Variants in AADAT observed in about 807,000 individuals in gnomAD.
AADAT encodes the protein aminoadipate aminotransferase, also known as kynurenine/alpha-aminoadipate aminotransferase, mitochondrial.
Under a neutral mutation model 56.2 loss-of-function variants are expected in AADAT, and 25 were observed. The ratio of observed to expected loss-of-function variants is 0.44; its 90% CI spans 0.32 to 0.62. The LOEUF is 0.62. AADAT is among the 20% of genes least tolerant of loss of function. The pLI is 0.04. For synonymous variants in AADAT, 173 were observed against 164.7 expected (o/e 1.05, Z -0.39); for missense variants, 387 against 510.5 (o/e 0.76, Z 2.33).
intron 10 of AADAT, among the ~76,000 whole-genome samples, chr4:170,065,613 GC>G (rs1731419987): frequency 6.6e-6 from 1 of 151,574 alleles, no homozygotes; most frequent in Non-Finnish European, 1.5e-5. Flanking sequence ...TGATTCTCCT[GC>G]CTTAGCCTCC....
intron 4 of AADAT, among the ~76,000 whole-genome samples, chr4:170,077,129 G>T (rs1318837562): frequency 6.6e-6 from 1 of 152,122 alleles, no homozygotes; most frequent in Non-Finnish European, 1.5e-5. Context: ...ATTGGGAAGT[G>T]GGGGTCTTCC....
At chr4:170,079,351 T>G (rs764779450) in intron 3 of AADAT, among the ~76,000 whole-genome samples, 1 of 152,140 alleles carries the variant, frequency 6.6e-6, no homozygotes, top group African/African-American at 2.4e-5. Flanking sequence ...AGACCAACCA[T>G]GTAGGCATTT....
chr4:170,077,832 A>G (rs990725945), intron 4 of AADAT, among the ~76,000 whole-genome samples: 1 of 152,208 alleles, frequency 6.6e-6, no homozygotes, highest in African/African-American at 2.4e-5. Flanking sequence ...GACAGTTTTC[A>G]TGCCTCTGTT....
Position 170,061,953 on chromosome 4 carries a change from G to A in AADAT, c.1175C>T (p.Ser392Leu). 1 of 1,613,278 alleles carries A rather than the reference G, an allele frequency of 6.2e-7. No homozygotes were observed. Among genetic ancestry groups the A allele is most frequent in the South Asian group, 1.1e-5 (1 of 91,036 alleles). Residue 392 changes from serine (S) to leucine (L), a missense_variant, in exon 12 of 13, where the codon TCA becomes TTA. By Grantham distance (145) the Ser-to-Leu change is moderately radical. Transcript: ENST00000337664. ...TGCTCTCAAGTAAGGGCTAGGAGCT[G>A]AGCTATCGACGTAGAAAGCATTTCC... ...LPGNAFYVDS[S>L]APSPYLRASF...
At chr4:170,071,364 A>G (rs1731753635) in intron 5 of AADAT, among the ~76,000 whole-genome samples, 1 of 152,190 alleles carries the variant, frequency 6.6e-6, no homozygotes, top group African/African-American at 2.4e-5. Context: ...TTGTGCAAAT[A>G]TCAGAGAAGA....
chr4:170,078,636 T>C (rs939902401), intron 3 of AADAT, 53 bp from the exon 4 acceptor site: 2 of 1,304,210 alleles, frequency 1.5e-6, no homozygotes, highest in Non-Finnish European at 2.1e-6. Context: ...TAGTACTGTT[T>C]CCATGCTCAG....
intron 7 of AADAT, 104 bp from the exon 8 acceptor site, chr4:170,068,791 G>C: frequency 1.4e-6 from 1 of 707,110 alleles, no homozygotes; most frequent in Non-Finnish European, 2.3e-6. Context: ...GGGGACAAAA[G>C]GATCTAGATA....
At chr4:170,087,339 C>T (rs1732613677) in intron 2 of AADAT, 91 bp from the exon 3 acceptor site, 3 of 1,181,650 alleles carry the variant, frequency 2.5e-6, no homozygotes, top group Non-Finnish European at 3.5e-6. Flanking sequence ...CTTTATCAAG[C>T]ACTTTGTACA....
rs113731629 is a variant in AADAT at position 170,063,078 on chromosome 4, T to C, written c.1135-1085A>G. ...CACTGTCTGCTAAGACAAGAGGAGT[T>C]GGGAGTGATATGATTTGGAGTACTC... On this transcript the variant is annotated intron_variant, in intron 11 of 12. Transcript: ENST00000337664. Among the ~76,000 whole-genome samples the C allele has an allele frequency of 6.8e-3, 1,028 of 152,274 alleles. 6 individuals carry two copies. The highest frequency in any genetic ancestry group is 0.011 in the Non-Finnish European group (774 of 68,024).
rs116476447 is a variant in AADAT at position 170,074,626 on chromosome 4, C to T, written c.445-1281G>A. On this transcript the variant is annotated intron_variant, in intron 4 of 12. Transcript: ENST00000337664. ...GATACAGCGCAGCCTGGAATGGGGA[C>T]CTGTAGGCCCCCTGTTATGCCGACA... Among the ~76,000 whole-genome samples the T allele has an allele frequency of 7.3e-3, 1,107 of 152,014 alleles. 11 individuals are homozygous for T. The highest frequency in any genetic ancestry group is 0.012 in the Non-Finnish European group (842 of 67,998).
At chr4:170,093,520 G>T (rs1053455415), upstream of AADAT, among the ~76,000 whole-genome samples, 1 of 152,162 alleles carries the variant, frequency 6.6e-6, no homozygotes, top group Non-Finnish European at 1.5e-5. Context: ...CCAAGGAAAA[G>T]ACCAAAGGTT....
chr4:170,085,745 T>A (rs1413890083), intron 3 of AADAT, among the ~76,000 whole-genome samples: 1 of 152,206 alleles, frequency 6.6e-6, no homozygotes, highest in Non-Finnish European at 1.5e-5. Flanking sequence ...ATTCTTTTAC[T>A]TTTCCTAATT....
chr4:170,074,615 T>C lies in AADAT; in HGVS notation c.445-1270A>G, dbSNP rs1352165346. Among the ~76,000 whole-genome samples, 3 of 152,120 alleles carry C rather than the reference T, an allele frequency of 2.0e-5. No homozygotes were observed. The East Asian group carries it at 5.8e-4, about 29-fold the overall frequency. Reference sequence around the variant, plus strand: ...TGGGTATATCAGATACAGCGCAGCCTGGAATGGGGACCTGTAGGCCCCCTG... The same window carrying C: ...TGGGTATATCAGATACAGCGCAGCCCGGAATGGGGACCTGTAGGCCCCCTG... On this transcript the variant is annotated intron_variant, in intron 4 of 12. Coordinates refer to ENST00000337664, the MANE Select transcript of AADAT (RefSeq NM_016228.4).
chr4:170,093,850 G>C (rs1295396021), upstream of AADAT, among the ~76,000 whole-genome samples: 1 of 152,170 alleles, frequency 6.6e-6, no homozygotes, highest in Non-Finnish European at 1.5e-5. Context: ...CTCCCACTTT[G>C]GCCTCCGGAA....
chr4:170,077,967 G>C (rs1015268925), intron 4 of AADAT, among the ~76,000 whole-genome samples: 1 of 152,058 alleles, frequency 6.6e-6, no homozygotes, highest in Non-Finnish European at 1.5e-5. Context: ...GGACATTTCT[G>C]TCTTAAAGTA....
Position 170,089,443 on chromosome 4 carries a change from C to T in AADAT, c.67+181G>A. 5 of 684,088 alleles carry T rather than the reference C, an allele frequency of 7.3e-6. No homozygotes were observed. In the South Asian group the frequency reaches 7.3e-5, roughly 10 times the overall value. 42.4% of individuals were successfully genotyped at this position (684,088 alleles called of 1,614,324 possible). ...GAAATACCCGCCTTCCGTTTCAGCC[C>T]GAGTTCTTTGAGAACAAAGGCTGTG... is the stretch of plus-strand genomic sequence containing the variant. On this transcript the variant is annotated intron_variant, in intron 1 of 12. Coordinates refer to ENST00000337664, the MANE Select transcript of AADAT (RefSeq NM_016228.4).
At chr4:170,078,269 C>T (rs1223862382) in intron 4 of AADAT, among the ~76,000 whole-genome samples, 1 of 152,046 alleles carries the variant, frequency 6.6e-6, no homozygotes, top group Non-Finnish European at 1.5e-5. Context: ...AATGCCTATA[C>T]ACTTGGATTT....
At chr4:170,065,845 C>T (rs967793468) in intron 10 of AADAT, among the ~76,000 whole-genome samples, 1 of 152,044 alleles carries the variant, frequency 6.6e-6, no homozygotes, top group African/African-American at 2.4e-5. Context: ...TAAGATAGGA[C>T]AGAAATAAGG....
chr4:170,073,018 TA>T, intron 5 of AADAT, 117 bp downstream of exon 5: 1 of 928,212 alleles, frequency 1.1e-6, no homozygotes. Context: ...TTCCTTTTAT[TA>T]AAAATTATAT....
Sources: allele counts gnomAD v4.1 joint callset (sites outside exome capture counted in the v4.1 genomes callset), GRCh38; gene constraint gnomAD v4.1.1; transcripts MANE v1.5; gene names NCBI Gene and HGNC (gene_info 2026-07-23, HGNC 2026-07-21).